The following NSD2 variants were observed in gnomAD, a reference collection of about 807,000 sequenced individuals.
The protein encoded by NSD2 is nuclear receptor binding SET domain protein 2.
NSD2 carries 12 observed loss-of-function variants against 139.0 expected under a neutral mutation model. The observed-to-expected ratio is 0.09, with a 90% confidence interval of 0.06 to 0.14. The LOEUF is 0.14. NSD2 is among the 10% of genes least tolerant of loss of function. The pLI, the probability that NSD2 is intolerant of heterozygous loss-of-function variation, is 1.00. For missense variants in NSD2, 1,155 were observed against 1,745.0 expected, an observed-to-expected ratio of 0.66 and a Z score of 6.02; for synonymous variants, 669 against 648.7, an observed-to-expected ratio of 1.03 and a Z score of -0.48.
chr4:1,938,446 A>AAAATAT lies in NSD2; in HGVS notation c.1675-4_1675-3insAATATA. ...TTTTTTTTTTTTTTTTTTTTTAAATAATAGAGAGACACAATCACTGACAAA... is the reference window on the plus strand; with the variant it reads ...TTTTTTTTTTTTTTTTTTTTTAAATAAAATATATAGAGAGACACAATCACTGACAAA... On this transcript the variant is annotated splice_region_variant and splice_polypyrimidine_tract_variant and intron_variant, in intron 7 of 21. Transcript: ENST00000508803. 1 of 1,265,526 alleles carries AAAATAT rather than the reference A, an allele frequency of 7.9e-7. No homozygotes were observed. Among genetic ancestry groups the AAAATAT allele is most frequent in the Non-Finnish European group, 1.0e-6 (1 of 959,964 alleles). 78.4% of individuals were successfully genotyped at this position (1,265,526 alleles called of 1,614,324 possible). A position where few individuals can be genotyped will look rare whatever the true frequency, so the allele number is the denominator to read the frequency against.
Position 1,978,572 on chromosome 4 carries a change from AC to A in NSD2, c.3827-64del, listed in dbSNP as rs1243173183. 3 of 1,544,676 alleles carry A rather than the reference AC, an allele frequency of 1.9e-6. No individual in the cohort carries two copies. In the African/African-American group the frequency reaches 4.1e-5, roughly 21 times the overall value. On this transcript the variant is annotated intron_variant, in intron 21 of 21. Coordinates refer to ENST00000508803, the MANE Select transcript of NSD2 (RefSeq NM_001042424.3). ...ACCTGACAGTTGTAAGTCATCTTCA[AC>A]CACGATAATGTTGAAGTCGTGATTC...
chr4:1,875,776 G>T (rs1302871909), intron 1 of NSD2, among the ~76,000 whole-genome samples: 1 of 151,202 alleles, frequency 6.6e-6, no homozygotes, highest in Admixed American at 6.6e-5. Context: ...GGGCATGGTG[G>T]TGGACGCCTG....
chr4:1,901,066 C>T lies in NSD2; in HGVS notation c.412C>T (p.Leu138Phe). 1 of 1,614,180 alleles carries T rather than the reference C, an allele frequency of 6.2e-7. No homozygotes were observed. Among genetic ancestry groups the T allele is most frequent in the Non-Finnish European group, 8.5e-7 (1 of 1,180,030 alleles). ...ITKTYMNGKP[L>F]FESSICGDSA... ...CAAAACATACATGAATGGGAAGCCT[C>T]TCTTTGAATCTTCCATTTGTGGTGA... The change falls in exon 2 of 22, where the codon CTC becomes TTC. Residue 138 changes from leucine (L) to phenylalanine (F), a missense_variant. Physicochemically the swap from Leu to Phe is conservative, Grantham distance 22. Transcript: ENST00000508803.
chr4:1,975,051 G>A (rs780343459), intron 19 of NSD2, 47 bp downstream of exon 19: 17 of 1,612,648 alleles, frequency 1.1e-5, no homozygotes, highest in Non-Finnish European at 1.4e-5. Context: ...TATGGGGGCA[G>A]AGTGGCCATC....
At chr4:1,965,051 C>CAAAAAAAAAAA (rs555374240) in intron 18 of NSD2, among the ~76,000 whole-genome samples, 1 of 47,174 alleles carries the variant, frequency 2.1e-5, no homozygotes, top group African/African-American at 7.6e-5. Flanking sequence ...CAGTGTTCAG[C>CAAAAAAAAAAA]AAAAAAAAAA....
chr4:1,951,505 C>G (rs1424963998), intron 10 of NSD2, among the ~76,000 whole-genome samples: 1 of 127,634 alleles, frequency 7.8e-6, no homozygotes, highest in Non-Finnish European at 1.7e-5. Flanking sequence ...CACACACACA[C>G]ACACACACAC....
In NSD2 at chr4:1,974,868, T is replaced by A. The variant is rs751095741; in HGVS notation, c.3378T>A (p.Arg1126=). 4 of 1,614,214 alleles carry A rather than the reference T, an allele frequency of 2.5e-6. No homozygotes were observed. The highest frequency in any genetic ancestry group is 1.6e-4 in the Middle Eastern group (1 of 6,062). Residue 1126 remains arginine, a synonymous_variant, in exon 19 of 22, where the codon CGT becomes CGA. Transcript: ENST00000508803. The surrounding 1 kb of genome is among the most constrained non-coding windows in gnomAD (Gnocchi z 4.0). Reference sequence around the variant, plus strand: ...TATATCACTTGACCTTACAGGACCGTATAATAGACGCTGGCCCCAAAGGAA... The same window carrying A: ...TATATCACTTGACCTTACAGGACCGAATAATAGACGCTGGCCCCAAAGGAA... ...HFYMLTIDKD[R]IIDAGPKGNY... is the part of the protein sequence containing the mutation.
intron 18 of NSD2, 53 bp downstream of exon 18, chr4:1,961,204 G>A: frequency 6.2e-6 from 9 of 1,450,072 alleles, no homozygotes; most frequent in Non-Finnish European, 8.6e-6. Context: ...CTGGAGCCCT[G>A]ATGGTCACCT....
intron 1 of NSD2, among the ~76,000 whole-genome samples, chr4:1,894,285 GTCATT>G (rs1715942291): frequency 6.6e-6 from 1 of 152,116 alleles, no homozygotes; most frequent in African/African-American, 2.4e-5. Flanking sequence ...TCCATGTTCT[GTCATT>G]TCAATACAAT....
chr4:1,925,601 G>A (rs1428590565), intron 5 of NSD2, among the ~76,000 whole-genome samples: 2 of 151,100 alleles, frequency 1.3e-5, no homozygotes, highest in African/African-American at 4.9e-5. Flanking sequence ...GTTTCATTAT[G>A]TTGGCCAGGC....
chr4:1,885,583 T>C (rs1704066583), intron 1 of NSD2, among the ~76,000 whole-genome samples: 1 of 151,960 alleles, frequency 6.6e-6, no homozygotes, highest in Non-Finnish European at 1.5e-5. Context: ...CTCTGGGGAG[T>C]CTCAAGTGGC....
At chr4:1,966,574 G>A (rs951739349) in intron 18 of NSD2, among the ~76,000 whole-genome samples, 4 of 151,342 alleles carry the variant, frequency 2.6e-5, no homozygotes, top group African/African-American at 4.9e-5. Flanking sequence ...GGAGAATGGC[G>A]TGAACCCGGG....
At chr4:1,945,574 C>G (rs1308783825) in intron 9 of NSD2, 2 of 1,065,288 alleles carry the variant, frequency 1.9e-6, no homozygotes, top group South Asian at 4.5e-5. Context: ...TTGCCAGAAG[C>G]CTGATGTGAG....
chr4:1,894,145 C>T (rs971772755), intron 1 of NSD2, among the ~76,000 whole-genome samples: 16 of 151,962 alleles, frequency 1.1e-4, no homozygotes, highest in Admixed American at 2.6e-4. Flanking sequence ...TTTGTAGAGA[C>T]GGCGTCTTAC....
chr4:1,905,055 G>C (rs758138847), intron 3 of NSD2, among the ~76,000 whole-genome samples: 3 of 152,080 alleles, frequency 2.0e-5, no homozygotes, highest in African/African-American at 7.2e-5. Flanking sequence ...GCTAGAACCC[G>C]GGAGGTGGAG....
intron 1 of NSD2, chr4:1,893,778 C>G (rs1010791198): frequency 1.6e-4 from 24 of 152,314 alleles, no homozygotes; most frequent in African/African-American, 5.8e-4. Flanking sequence ...CTTCTGAGCT[C>G]AAGCGATCTA....
At chr4:1,933,797 G>A (rs538748681) in intron 6 of NSD2, among the ~76,000 whole-genome samples, 58 of 152,136 alleles carry the variant, frequency 3.8e-4, no homozygotes, top group Non-Finnish European at 2.4e-4. Flanking sequence ...ATAAACATTG[G>A]CATGTTGAAA....
chr4:1,949,052 G>T (rs1723935655), intron 9 of NSD2, among the ~76,000 whole-genome samples: 1 of 152,212 alleles, frequency 6.6e-6, no homozygotes, highest in African/African-American at 2.4e-5. Context: ...GCCCCAGACA[G>T]TGTGGCCACT....
chr4:1,883,286 C>T (rs1399405057), intron 1 of NSD2, among the ~76,000 whole-genome samples: 1 of 152,106 alleles, frequency 6.6e-6, no homozygotes, highest in Non-Finnish European at 1.5e-5. Context: ...GCTCAAGTAA[C>T]AGTTTCTCAA....
Sources: allele counts gnomAD v4.1 joint callset (sites outside exome capture counted in the v4.1 genomes callset), GRCh38; gene constraint gnomAD v4.1.1; non-coding constraint Gnocchi (gnomAD v3.1); transcripts MANE v1.5; gene names NCBI Gene and HGNC (gene_info 2026-07-23, HGNC 2026-07-21).